COL19A1: variants seen among roughly 807,000 people sequenced by gnomAD.
The protein encoded by COL19A1 is collagen type XIX alpha 1 chain, also known as collagen alpha-1(XIX) chain.
A neutral mutation model predicts 190.2 loss-of-function variants in COL19A1; 159 were observed. The observed-to-expected ratio is 0.84, with a 90% CI of 0.73 to 0.95. COL19A1 has a LOEUF of 0.95. Ranked by LOEUF, COL19A1 falls within the 40% of genes least tolerant of loss-of-function variation. COL19A1 has a pLI of 0.00. For missense variants in COL19A1, 1,418 were observed against 1,431.9 expected, an observed-to-expected ratio of 0.99 and a Z score of 0.16; for synonymous variants, 509 against 458.9, an observed-to-expected ratio of 1.11 and a Z score of -1.39.
At chr6:70,190,170 C>G in intron 47 of COL19A1, 145 bp from the exon 48 acceptor site, 3 of 643,242 alleles carry the variant, frequency 4.7e-6, no homozygotes, top group African/African-American at 1.9e-5. Flanking sequence ...ATATTTATTG[C>G]CCAATATAAT....
At chr6:69,901,414 T>A (rs1561978296) in intron 4 of COL19A1, among the ~76,000 whole-genome samples, 1 of 152,246 alleles carries the variant, frequency 6.6e-6, no homozygotes, top group East Asian at 1.9e-4. Flanking sequence ...ATTTAATGAC[T>A]GAAATGGCTC....
chr6:70,181,910 G>A (rs533626894), intron 44 of COL19A1, among the ~76,000 whole-genome samples: 11 of 152,288 alleles, frequency 7.2e-5, no homozygotes, highest in African/African-American at 2.4e-4. Context: ...AAGAATGAAC[G>A]AAGTGAAGGA....
intron 48 of COL19A1, among the ~76,000 whole-genome samples, chr6:70,191,600 G>A (rs566502221): frequency 1.8e-4 from 28 of 152,304 alleles, no homozygotes; most frequent in African/African-American, 6.5e-4. Context: ...TGTTTAGTGA[G>A]CTCTGAATCC....
At chr6:70,050,449 T>C (rs1780143575) in intron 14 of COL19A1, among the ~76,000 whole-genome samples, 1 of 152,046 alleles carries the variant, frequency 6.6e-6, no homozygotes, top group Non-Finnish European at 1.5e-5. Flanking sequence ...TTCATGAGAA[T>C]AAGAACCTTG....
chr6:70,180,427 G>A lies in COL19A1; in HGVS notation c.2713-34G>A, dbSNP rs187375852. Reference sequence around the variant, plus strand: ...TGCATGCAGTTTTAAAACATTTGTTGGCAATTAATTTGTGTCTGTGGATGT... The same window carrying A: ...TGCATGCAGTTTTAAAACATTTGTTAGCAATTAATTTGTGTCTGTGGATGT... On this transcript the variant is annotated intron_variant, in intron 43 of 50. Coordinates refer to ENST00000620364, the MANE Select transcript of COL19A1 (RefSeq NM_001858.6). 1.3e-3 allele frequency: 2,053 copies of A among 1,614,038 alleles called. 2 individuals carry two copies. Among genetic ancestry groups the A allele is most frequent in the Non-Finnish European group, 1.7e-3 (1,951 of 1,179,980 alleles).
At position 70,166,325 on chromosome 6, in the gene COL19A1, A is replaced by G. The variant is rs150851095; in HGVS notation, c.2445+340A>G. Among the ~76,000 whole-genome samples, 661 of 152,348 alleles carry G rather than the reference A, an allele frequency of 4.3e-3. 6 individuals are homozygous for G. The highest frequency in any genetic ancestry group is 0.013 in the African/African-American group (542 of 41,576). Reference sequence around the variant, plus strand: ...TCACAGAAAGGAGAAGGGCCAGAAAAATAGATCCTTTCCGCTGATGCGAGT... The same window carrying G: ...TCACAGAAAGGAGAAGGGCCAGAAAGATAGATCCTTTCCGCTGATGCGAGT... On this transcript the variant is annotated intron_variant, in intron 37 of 50. Transcript: ENST00000620364.
At chr6:69,920,950 A>G (rs368651743) in intron 4 of COL19A1, among the ~76,000 whole-genome samples, 2 of 131,098 alleles carry the variant, frequency 1.5e-5, no homozygotes, top group Non-Finnish European at 1.6e-5. Context: ...ATATTCATAT[A>G]TATATTCATA....
chr6:69,951,287 G>A (rs1381564125), intron 9 of COL19A1, among the ~76,000 whole-genome samples: 1 of 151,730 alleles, frequency 6.6e-6, no homozygotes, highest in East Asian at 1.9e-4. Context: ...GAATTATATT[G>A]CATCTACTTC....
chr6:70,072,671 C>T (rs1406348920), intron 15 of COL19A1, among the ~76,000 whole-genome samples: 3 of 152,148 alleles, frequency 2.0e-5, no homozygotes, highest in Admixed American at 2.0e-4. Context: ...CCTTGAAGTG[C>T]TTGCTCCAAG....
At chr6:69,915,789 A>G (rs565961854) in intron 4 of COL19A1, among the ~76,000 whole-genome samples, 2 of 152,272 alleles carry the variant, frequency 1.3e-5, no homozygotes, top group East Asian at 3.9e-4. Flanking sequence ...GAAAATCCCA[A>G]TGTATTACTT....
intron 11 of COL19A1, among the ~76,000 whole-genome samples, chr6:69,996,904 T>C (rs926574324): frequency 1.3e-5 from 2 of 150,334 alleles, no homozygotes; most frequent in Non-Finnish European, 2.9e-5. Flanking sequence ...ATAATCTCTC[T>C]CTCAAAAAGA....
intron 11 of COL19A1, among the ~76,000 whole-genome samples, chr6:70,020,324 T>C (rs900555692): frequency 1.3e-5 from 2 of 152,156 alleles, no homozygotes; most frequent in Non-Finnish European, 2.9e-5. Context: ...TACAGGTTCA[T>C]AATATTTTGT....
intron 9 of COL19A1, among the ~76,000 whole-genome samples, chr6:69,958,284 A>G (rs1008922278): frequency 7.2e-5 from 11 of 152,284 alleles, no homozygotes; most frequent in South Asian, 2.1e-4. Flanking sequence ...GCGTACTTTA[A>G]TGGATAATAT....
chr6:69,895,478 G>C lies in COL19A1; in HGVS notation c.92-3470G>C, dbSNP rs369268645. On this transcript the variant is annotated intron_variant, in intron 2 of 50. Transcript: ENST00000620364. ...GAAAATTCAGGCTTGCAGACAATTTGAATGGTGAGTAAGACAGGGTTTTAT... is the reference window on the plus strand; with the variant it reads ...GAAAATTCAGGCTTGCAGACAATTTCAATGGTGAGTAAGACAGGGTTTTAT... 7.5e-4 allele frequency among the ~76,000 whole-genome samples: 114 copies of C among 152,322 alleles called. 4 individuals carry two copies. In the South Asian group the frequency reaches 0.023, roughly 30 times the overall value.
chr6:69,882,873 TTA>T (rs1768658478), intron 2 of COL19A1, among the ~76,000 whole-genome samples: 1 of 152,188 alleles, frequency 6.6e-6, no homozygotes, highest in Non-Finnish European at 1.5e-5. Flanking sequence ...ATGTATGCTG[TTA>T]TATAGAGAAT....
chr6:70,062,002 T>A (rs1780863303), intron 14 of COL19A1, among the ~76,000 whole-genome samples: 1 of 151,778 alleles, frequency 6.6e-6, no homozygotes, highest in Non-Finnish European at 1.5e-5. Flanking sequence ...GCAGGTTTTG[T>A]TGTTTTTTTG....
chr6:70,089,376 T>C (rs1782770855), intron 15 of COL19A1, among the ~76,000 whole-genome samples: 1 of 152,202 alleles, frequency 6.6e-6, no homozygotes. Flanking sequence ...GGCATCTTTG[T>C]AGCTTTGATT....
rs368361484 is a variant in COL19A1 at position 70,168,117 on chromosome 6, C to T, written c.2496+42C>T. The T allele has an allele frequency of 1.6e-5, 25 of 1,598,238 alleles. No homozygotes were observed. In the African/African-American group the frequency reaches 1.9e-4, roughly 12 times the overall value. On this transcript the variant is annotated intron_variant, in intron 38 of 50. Coordinates refer to ENST00000620364, the MANE Select transcript of COL19A1 (RefSeq NM_001858.6). ...TTATTTAAAATCCAGTTATAGACTG[C>T]TGTAAATTCGTCTCATCTTTCTCTT...
chr6:70,145,208 A>G (rs1352638213), intron 25 of COL19A1, among the ~76,000 whole-genome samples: 1 of 152,162 alleles, frequency 6.6e-6, no homozygotes, highest in Non-Finnish European at 1.5e-5. Context: ...TAGTTCTACA[A>G]AAAAGACAGA....
Sources: allele counts gnomAD v4.1 joint callset (sites outside exome capture counted in the v4.1 genomes callset), GRCh38; gene constraint gnomAD v4.1.1; transcripts MANE v1.5; gene names NCBI Gene and HGNC (gene_info 2026-07-23, HGNC 2026-07-21).